Variants in NR3C2 observed in about 807,000 individuals in gnomAD.
NR3C2 encodes nuclear receptor subfamily 3 group C member 2.
In NR3C2, 15 loss-of-function variants were observed where a neutral mutation model predicts 86.4. The ratio of observed to expected loss-of-function variants is 0.17; its 90% CI spans 0.12 to 0.27. The LOEUF (loss-of-function observed/expected upper bound fraction) is 0.27, where lower values mean the gene tolerates loss of function less well. Ranked by LOEUF, NR3C2 falls within the 10% of genes least tolerant of loss-of-function variation. NR3C2 has a pLI of 1.00. For missense variants in NR3C2, 960 were observed against 1,195.6 expected (o/e 0.80, Z 2.91); for synonymous variants, 458 against 450.5 (o/e 1.02, Z -0.21).
At chr4:148,339,287 G>A (rs905298496) in intron 2 of NR3C2, among the ~76,000 whole-genome samples, 2 of 152,148 alleles carry the variant, frequency 1.3e-5, no homozygotes, top group Admixed American at 1.3e-4. Context: ...GTAAGGCTCA[G>A]TATGCTCTGT....
chr4:148,380,607 G>C (rs1166148482), intron 2 of NR3C2, among the ~76,000 whole-genome samples: 1 of 152,124 alleles, frequency 6.6e-6, no homozygotes, highest in Non-Finnish European at 1.5e-5. Flanking sequence ...ACCAATACTT[G>C]TTACTGTCTC....
intron 2 of NR3C2, among the ~76,000 whole-genome samples, chr4:148,303,345 C>G (rs1265672279): frequency 6.6e-6 from 1 of 152,118 alleles, no homozygotes; most frequent in Non-Finnish European, 1.5e-5. Flanking sequence ...GATCAACATT[C>G]TAGTTCTGAG....
chr4:148,329,816 T>C (rs1744144954), intron 2 of NR3C2, among the ~76,000 whole-genome samples: 1 of 152,228 alleles, frequency 6.6e-6, no homozygotes, highest in South Asian at 2.1e-4. Flanking sequence ...CAGTTAAAAA[T>C]ACGGAGTGAT....
chr4:148,149,931 C>T (rs982260747), intron 6 of NR3C2, among the ~76,000 whole-genome samples: 17 of 152,162 alleles, frequency 1.1e-4, no homozygotes, highest in African/African-American at 3.4e-4. Flanking sequence ...GAAATTAGAA[C>T]CCTTGTACAT....
intron 8 of NR3C2, among the ~76,000 whole-genome samples, chr4:148,110,724 T>C (rs1266194168): frequency 6.6e-6 from 1 of 152,208 alleles, no homozygotes; most frequent in African/African-American, 2.4e-5. Context: ...CTTTTAGAAT[T>C]AAAATGATTC....
intron 7 of NR3C2, among the ~76,000 whole-genome samples, chr4:148,117,388 G>A (rs1732318670): frequency 6.6e-6 from 1 of 152,136 alleles, no homozygotes; most frequent in Non-Finnish European, 1.5e-5. Context: ...TGCCCTCGCT[G>A]CTGCCATTGT....
chr4:148,176,057 T>TG (rs1256961282), intron 4 of NR3C2, among the ~76,000 whole-genome samples: 2 of 152,214 alleles, frequency 1.3e-5, no homozygotes, highest in Admixed American at 6.5e-5. Flanking sequence ...GACCATCAGA[T>TG]GCAAAGAGTT....
intron 3 of NR3C2, among the ~76,000 whole-genome samples, chr4:148,196,007 T>C (rs1736424839): frequency 6.6e-6 from 1 of 152,096 alleles, no homozygotes; most frequent in Non-Finnish European, 1.5e-5. Flanking sequence ...GGCTGCTGTG[T>C]TGAAACTGAC....
intron 2 of NR3C2, among the ~76,000 whole-genome samples, chr4:148,388,604 A>T (rs1227280281): frequency 6.6e-6 from 1 of 152,222 alleles, no homozygotes; most frequent in Non-Finnish European, 1.5e-5. Flanking sequence ...ATATAAAATC[A>T]GACAGAAAAT....
In NR3C2 at chr4:148,080,117, C is replaced by T. The variant is rs565527943; in HGVS notation, c.*1227G>A. ...AGGCAGCTTTCCCAAAGCTGCAGCA[C>T]TCCAAGGACCTCCTCTCCCACATGT... On this transcript the variant is annotated 3_prime_UTR_variant, in exon 9 of 9. Coordinates refer to ENST00000358102, the MANE Select transcript of NR3C2 (RefSeq NM_000901.5). 2.7e-4 allele frequency: 41 copies of T among 152,348 alleles called. No homozygotes were observed. Among genetic ancestry groups the T allele is most frequent in the African/African-American group, 8.7e-4 (36 of 41,570 alleles). The allele number at this position is 152,348 out of a possible 1,614,324, so 9.4% of individuals were successfully genotyped here. A position where few individuals can be genotyped will look rare whatever the true frequency, so the allele number is the denominator to read the frequency against.
chr4:148,260,303 T>G (rs1248389547), intron 2 of NR3C2, among the ~76,000 whole-genome samples, 186 bp from the exon 3 acceptor site: 8 of 152,202 alleles, frequency 5.3e-5, no homozygotes, highest in African/African-American at 1.9e-4. Context: ...CTATCAAGGT[T>G]ATTGTGTAGC....
chr4:148,351,141 GTCTTT>G (rs772246009), intron 2 of NR3C2, among the ~76,000 whole-genome samples: 90 of 152,100 alleles, frequency 5.9e-4, no homozygotes, highest in Middle Eastern at 3.4e-3. Context: ...AGGCTAATCT[GTCTTT>G]TCTTTTCTTT....
chr4:148,335,174 A>G (rs1213075302), intron 2 of NR3C2, among the ~76,000 whole-genome samples: 1 of 152,182 alleles, frequency 6.6e-6, no homozygotes, highest in African/African-American at 2.4e-5. Flanking sequence ...AGGGTGGGAG[A>G]AGATAATTCA....
In NR3C2 at chr4:148,435,588, C is replaced by T. The variant is rs1196004267; in HGVS notation, c.1273G>A (p.Val425Ile). The change falls in exon 2 of 9, where the codon GTA becomes ATA. Residue 425 changes from valine (V) to isoleucine (I), a missense_variant. Transcript: ENST00000358102. The part of the protein sequence containing the change: ...SKINSDSSFS[V>I]PIKQESTKHS... ...TTGGTTGATTCTTGCTTTATTGGTA[C>T]TGAGAATGAAGAATCCGAATTTATT... 1.9e-6 allele frequency: 3 copies of T among 1,613,960 alleles called. No individual in the cohort carries two copies. The highest frequency in any genetic ancestry group is 2.2e-5 in the East Asian group (1 of 44,890).
chr4:148,307,295 T>TA (rs1159440684), intron 2 of NR3C2, among the ~76,000 whole-genome samples: 1 of 152,214 alleles, frequency 6.6e-6, no homozygotes. Context: ...TCTAACTTAC[T>TA]ATAGCAGTTA....
intron 2 of NR3C2, among the ~76,000 whole-genome samples, chr4:148,373,226 T>C (rs1746505351): frequency 6.6e-6 from 1 of 152,130 alleles, no homozygotes; most frequent in African/African-American, 2.4e-5. Context: ...CCCCGCCTTC[T>C]CCCACTGGTA....
At chr4:148,331,024 A>G (rs1303154858) in intron 2 of NR3C2, among the ~76,000 whole-genome samples, 5 of 152,222 alleles carry the variant, frequency 3.3e-5, no homozygotes, top group Non-Finnish European at 7.3e-5. Flanking sequence ...CCATAAACCA[A>G]TTAAACCTCC....
At chr4:148,172,584 T>C (rs998366073) in intron 4 of NR3C2, among the ~76,000 whole-genome samples, 6 of 152,228 alleles carry the variant, frequency 3.9e-5, no homozygotes. Flanking sequence ...ATCTTTTGTG[T>C]CTTTAATAAC....
intron 2 of NR3C2, among the ~76,000 whole-genome samples, chr4:148,354,738 CAA>C (rs1301537718): frequency 2.6e-5 from 4 of 151,570 alleles, no homozygotes; most frequent in Non-Finnish European, 5.9e-5. Context: ...AAAGTATCTC[CAA>C]AAGAAACAAA....
Sources: allele counts gnomAD v4.1 joint callset (sites outside exome capture counted in the v4.1 genomes callset), GRCh38; gene constraint gnomAD v4.1.1; transcripts MANE v1.5; gene names NCBI Gene and HGNC (gene_info 2026-07-23, HGNC 2026-07-21).